Variants in SMOC2 observed in about 807,000 individuals in gnomAD.
The protein encoded by SMOC2 is SPARC related modular calcium binding 2.
SMOC2 carries 39 observed loss-of-function variants against 61.4 expected under a neutral mutation model. The ratio of observed to expected loss-of-function variants is 0.64; its 90% CI spans 0.49 to 0.83. The LOEUF is 0.83. SMOC2 is among the 40% of genes least tolerant of loss of function. The pLI, the probability that SMOC2 is intolerant of heterozygous loss-of-function variation, is 0.00. For synonymous variants in SMOC2, 247 were observed against 239.9 expected (o/e 1.03, Z -0.27); for missense variants, 556 against 592.9 (o/e 0.94, Z 0.65).
At chr6:168,497,366 G>T (rs1478203831) in intron 1 of SMOC2, among the ~76,000 whole-genome samples, 1 of 152,248 alleles carries the variant, frequency 6.6e-6, no homozygotes, top group African/African-American at 2.4e-5. Flanking sequence ...CTCTGCACCT[G>T]CCCCCAGGCG....
At chr6:168,443,356 C>G (rs1781260817) in intron 1 of SMOC2, among the ~76,000 whole-genome samples, 1 of 152,142 alleles carries the variant, frequency 6.6e-6, no homozygotes, top group Non-Finnish European at 1.5e-5. Context: ...ACCTTTTGCC[C>G]CCTTGAGGTT....
chr6:168,525,008 C>T (rs62424682), intron 2 of SMOC2, among the ~76,000 whole-genome samples: 15,503 of 152,290 alleles, frequency 0.1, 888 homozygotes, highest in South Asian at 0.19. Flanking sequence ...AAAAAGTCAC[C>T]ATCTGAAGAC....
At chr6:168,516,269 GT>G (rs1783131896) in intron 2 of SMOC2, among the ~76,000 whole-genome samples, 1 of 151,476 alleles carries the variant, frequency 6.6e-6, no homozygotes, top group Admixed American at 6.6e-5. Context: ...AATTTGTGGA[GT>G]TTATGTTTTC....
intron 8 of SMOC2, among the ~76,000 whole-genome samples, chr6:168,604,711 C>T (rs547390876): frequency 3.3e-5 from 5 of 152,286 alleles, no homozygotes; most frequent in African/African-American, 9.6e-5. Flanking sequence ...TAAATTGCAT[C>T]GTCTTTGATA....
At chr6:168,451,732 T>C (rs758793850) in intron 1 of SMOC2, among the ~76,000 whole-genome samples, 1 of 152,222 alleles carries the variant, frequency 6.6e-6, no homozygotes, top group African/African-American at 2.4e-5. Flanking sequence ...TTAAGTTCTT[T>C]CTTTTTAGGA....
intron 2 of SMOC2, among the ~76,000 whole-genome samples, chr6:168,521,523 T>G (rs1407332146): frequency 6.6e-6 from 1 of 152,192 alleles, no homozygotes; most frequent in Non-Finnish European, 1.5e-5. Flanking sequence ...CTGAGAGAGA[T>G]GAAATATCAT....
intron 1 of SMOC2, among the ~76,000 whole-genome samples, chr6:168,502,438 C>G (rs1583061622): frequency 6.6e-6 from 1 of 152,264 alleles, no homozygotes; most frequent in East Asian, 1.9e-4. Context: ...TGCCCTGCAT[C>G]TGCCCACAGC....
intron 4 of SMOC2, among the ~76,000 whole-genome samples, chr6:168,538,322 G>C (rs1378107079): frequency 6.9e-6 from 1 of 145,704 alleles, no homozygotes; most frequent in Non-Finnish European, 1.5e-5. Flanking sequence ...TGGAATGTGG[G>C]GGAGTGGGGT....
intron 4 of SMOC2, among the ~76,000 whole-genome samples, chr6:168,531,160 T>C (rs552688107): frequency 6.6e-6 from 1 of 152,200 alleles, no homozygotes; most frequent in South Asian, 2.1e-4. Context: ...CAGGGAGTGA[T>C]GGCCACACAC....
chr6:168,547,260 A>G, intron 6 of SMOC2, 91 bp downstream of exon 6: 1 of 1,096,098 alleles, frequency 9.1e-7, no homozygotes, highest in Non-Finnish European at 1.4e-6. Flanking sequence ...ATCTTGTTAG[A>G]GCTCCGTTCA....
chr6:168,613,997 C>A (rs552121101), intron 9 of SMOC2, among the ~76,000 whole-genome samples: 2 of 86,392 alleles, frequency 2.3e-5, no homozygotes, highest in East Asian at 9.1e-4. Flanking sequence ...ACAGCCAGCA[C>A]AGGGCCTCTT....
At position 168,461,717 on chromosome 6, in the gene SMOC2, G is replaced by T. The variant is rs924805343; in HGVS notation, c.84+20263G>T. Among the ~76,000 whole-genome samples the T allele has an allele frequency of 2.0e-5, 3 of 152,140 alleles. No individual in the cohort carries two copies. In the East Asian group the frequency reaches 5.8e-4, roughly 29 times the overall value. On this transcript the variant is annotated intron_variant, in intron 1 of 12. Coordinates refer to ENST00000356284, the MANE Select transcript of SMOC2 (RefSeq NM_001166412.2). ...TATTTGACATAAATGGAGACATCTG[G>T]CTGTCACCCAAGTTTGATAAGCTGA...
intron 1 of SMOC2, among the ~76,000 whole-genome samples, chr6:168,494,017 C>T (rs1258724043): frequency 6.6e-6 from 1 of 152,186 alleles, no homozygotes; most frequent in Admixed American, 6.5e-5. Flanking sequence ...TGGGATCATT[C>T]CGATGCCATT....
chr6:168,558,861 A>G (rs1399004111), intron 7 of SMOC2, among the ~76,000 whole-genome samples: 2 of 104,816 alleles, frequency 1.9e-5, no homozygotes, highest in Admixed American at 8.2e-5. Context: ...GCGTGTGCGC[A>G]TGTGTGTGCA....
chr6:168,459,417 C>T (rs987372847), intron 1 of SMOC2, among the ~76,000 whole-genome samples: 8 of 152,232 alleles, frequency 5.3e-5, no homozygotes, highest in Admixed American at 4.6e-4. Flanking sequence ...GGGTATTCTC[C>T]GGTTGTGGGG....
intron 11 of SMOC2, among the ~76,000 whole-genome samples, chr6:168,659,129 C>A (rs926595097): frequency 6.6e-6 from 1 of 151,840 alleles, no homozygotes; most frequent in African/African-American, 2.4e-5. Context: ...GCGCTCTGGG[C>A]TGGATCAAGC....
chr6:168,518,938 C>G (rs545374403), intron 2 of SMOC2, among the ~76,000 whole-genome samples: 1 of 133,508 alleles, frequency 7.5e-6, no homozygotes, highest in African/African-American at 2.8e-5. Context: ...CGTGCATATG[C>G]TTGCATGTGT....
chr6:168,648,185 A>G (rs1787094657), intron 9 of SMOC2, among the ~76,000 whole-genome samples: 2 of 152,232 alleles, frequency 1.3e-5, no homozygotes, highest in Admixed American at 6.5e-5. Flanking sequence ...AGATAATAAT[A>G]TTCTTCTCCA....
At position 168,485,720 on chromosome 6, in the gene SMOC2, AGAT is replaced by A. The variant is rs911256655; in HGVS notation, c.85-24189_85-24187del. Among the ~76,000 whole-genome samples the A allele has an allele frequency of 4.2e-4, 64 of 152,144 alleles. 1 individual carries two copies. Among genetic ancestry groups the A allele is most frequent in the African/African-American group, 1.5e-3 (61 of 41,530 alleles). On this transcript the variant is annotated intron_variant, in intron 1 of 12. Transcript: ENST00000356284. ...TAATAGCTATGTTTTTTTGGGGGGG[AGAT>A]GATGAAAAAAATTTTAATATCGATT...
Sources: gnomAD v4.1 joint callset for allele counts (sites outside exome capture counted in the v4.1 genomes callset) on GRCh38, gnomAD v4.1.1 for gene constraint, MANE v1.5 for transcripts, NCBI Gene and HGNC (gene_info 2026-07-23, HGNC 2026-07-21) for gene names.